The following TMEM260 variants were observed in gnomAD, a reference collection of about 807,000 sequenced individuals.
The protein encoded by TMEM260 is transmembrane protein 260.
In TMEM260, 82 loss-of-function variants were observed where a neutral mutation model predicts 88.9. The ratio of observed to expected loss-of-function variants is 0.92; its 90% confidence interval spans 0.77 to 1.11. TMEM260 has a LOEUF of 1.11. Among genes scored for constraint, TMEM260 ranks in the 50% least tolerant of loss-of-function variants. The pLI, the probability that TMEM260 is intolerant of heterozygous loss-of-function variation, is 0.00. For missense variants in TMEM260, 902 were observed against 853.4 expected (o/e 1.06, Z -0.71); for synonymous variants, 314 against 309.3 (o/e 1.02, Z -0.16).
At chr14:56,636,771 A>G (rs943214036) in intron 15 of TMEM260, among the ~76,000 whole-genome samples, 173 bp downstream of exon 15, 1 of 152,076 alleles carries the variant, frequency 6.6e-6, no homozygotes, top group African/African-American at 2.4e-5. Flanking sequence ...CACAGTATCC[A>G]AAGTAAATGG....
At chr14:56,600,389 A>G (rs1440101519) in intron 3 of TMEM260, among the ~76,000 whole-genome samples, 1 of 152,184 alleles carries the variant, frequency 6.6e-6, no homozygotes, top group East Asian at 1.9e-4. Context: ...TGTTTCAGTC[A>G]GGGTTCTTGG....
intron 4 of TMEM260, among the ~76,000 whole-genome samples, chr14:56,604,595 C>T (rs1001725919): frequency 6.6e-6 from 1 of 151,984 alleles, no homozygotes; most frequent in Non-Finnish European, 1.5e-5. Flanking sequence ...AGTGTAGAAA[C>T]AAAAGAACAT....
At chr14:56,616,570 T>G (rs1264637720) in intron 8 of TMEM260, among the ~76,000 whole-genome samples, 1 of 152,028 alleles carries the variant, frequency 6.6e-6, no homozygotes, top group Non-Finnish European at 1.5e-5. Context: ...AATAGAACAT[T>G]CTATGACCAC....
chr14:56,611,680 A>G (rs1418592442), intron 6 of TMEM260, among the ~76,000 whole-genome samples: 1 of 152,228 alleles, frequency 6.6e-6, no homozygotes, highest in African/African-American at 2.4e-5. Context: ...CAGCAATCCC[A>G]TTATTGGCTG....
At chr14:56,596,767 C>CA (rs34224409) in intron 3 of TMEM260, among the ~76,000 whole-genome samples, 46,516 of 91,680 alleles carry the variant, frequency 0.51, 9,627 homozygotes, top group African/African-American at 0.54. Context: ...GTCTCTGTCT[C>CA]AAAAAAAAAA....
intron 9 of TMEM260, 146 bp downstream of exon 9, chr14:56,617,443 G>C: frequency 1.8e-6 from 1 of 570,296 alleles, no homozygotes; most frequent in Non-Finnish European, 3.1e-6. Context: ...TTGAATTATT[G>C]AGTCAATACA....
the TMEM260 span, among the ~76,000 whole-genome samples, chr14:56,661,382 G>T: frequency 6.6e-6 from 1 of 152,164 alleles, no homozygotes; most frequent in African/African-American, 2.4e-5. Context: ...CGGTGGTGGA[G>T]CAGGAGACTT....
chr14:56,592,261 T>A (rs1334259073), intron 3 of TMEM260, among the ~76,000 whole-genome samples: 1 of 152,218 alleles, frequency 6.6e-6, no homozygotes, highest in Non-Finnish European at 1.5e-5. Context: ...ATATTTTAAA[T>A]TTTTTTAGGT....
At chr14:56,606,098 A>G (rs1336727881) in intron 5 of TMEM260, among the ~76,000 whole-genome samples, 1 of 152,180 alleles carries the variant, frequency 6.6e-6, no homozygotes, top group African/African-American at 2.4e-5. Flanking sequence ...TCTCAACAAA[A>G]CAGACATCGC....
intron 5 of TMEM260, among the ~76,000 whole-genome samples, chr14:56,608,846 A>T (rs1035074016): frequency 2.0e-5 from 3 of 152,214 alleles, no homozygotes; most frequent in South Asian, 2.1e-4. Flanking sequence ...TGCAATAAAC[A>T]TGATACTCAT....
chr14:56,634,873 A>ATATTACTGTTTTCT, intron 13 of TMEM260, 26 bp from the exon 14 acceptor site: 1 of 1,592,394 alleles, frequency 6.3e-7, no homozygotes. Context: ...TGACAGAAAG[A>ATATTACTGTTTTCT]TATTACTGTT....
At chr14:56,638,168 G>C (rs1002918377) in intron 15 of TMEM260, 2 of 151,924 alleles carry the variant, frequency 1.3e-5, no homozygotes, top group African/African-American at 4.8e-5. Context: ...ATCCCTCCGA[G>C]ACACCCCACT....
Position 56,603,983 on chromosome 14 carries a change from G to A in TMEM260, c.513G>A (p.Glu171=). ...VHFEEAATAK[E]RSKVAKIGAF... ...TTGAGGAAGCAGCAACTGCTAAGGAGAGATCAAAGGTAACCTATTTTGATC... is the reference window on the plus strand; with the variant it reads ...TTGAGGAAGCAGCAACTGCTAAGGAAAGATCAAAGGTAACCTATTTTGATC... Residue 171 remains glutamate, a synonymous_variant, in exon 4 of 16, where the codon GAG becomes GAA. Transcript: ENST00000261556. 6.4e-7 allele frequency: 1 copy of A among 1,551,260 alleles called. No homozygotes were observed.
At chr14:56,635,258 G>C (rs1888954600) in intron 14 of TMEM260, among the ~76,000 whole-genome samples, 1 of 152,170 alleles carries the variant, frequency 6.6e-6, no homozygotes, top group Non-Finnish European at 1.5e-5. Context: ...TCTGCCTCTG[G>C]AACACTCATC....
intron 7 of TMEM260, among the ~76,000 whole-genome samples, chr14:56,615,054 C>A (rs576138112): frequency 1.3e-5 from 2 of 152,280 alleles, no homozygotes; most frequent in South Asian, 4.1e-4. Context: ...AGACTGACTT[C>A]ATTCCTTTTG....
Position 56,617,200 on chromosome 14 carries a change from C to A in TMEM260, c.959C>A (p.Ser320Ter). Residue 320 changes from serine to a stop codon, truncating the protein, a stop_gained, in exon 9 of 16, where the codon TCA (serine) becomes TAA (stop). Coordinates refer to ENST00000261556, the MANE Select transcript of TMEM260 (RefSeq NM_017799.4). LOFTEE classifies it high-confidence loss of function. ...TTTTGTAGGGACAGACAGAATCCATCATTAGTATGGCTTTTTACTGGAATG... is the reference window on the plus strand; with the variant it reads ...TTTTGTAGGGACAGACAGAATCCATAATTAGTATGGCTTTTTACTGGAATG... ...CLATKDRQNP[S>*]LVWLFTGMFC... 2.5e-6 allele frequency: 4 copies of A among 1,594,998 alleles called. No individual in the cohort carries two copies. The highest frequency in any genetic ancestry group is 3.4e-6 in the Non-Finnish European group (4 of 1,171,834).
At chr14:56,591,117 TAAA>T (rs1211932901) in intron 3 of TMEM260, among the ~76,000 whole-genome samples, 1 of 152,192 alleles carries the variant, frequency 6.6e-6, no homozygotes, top group African/African-American at 2.4e-5. Context: ...TACAAAAACT[TAAA>T]AAACATTTAA....
At chr14:56,655,786 T>C in the TMEM260 span, among the ~76,000 whole-genome samples, 4 of 152,304 alleles carry the variant, frequency 2.6e-5, no homozygotes, top group Non-Finnish European at 5.9e-5. Flanking sequence ...TCTATTTTCC[T>C]ATTTTATTAT....
intron 3 of TMEM260, among the ~76,000 whole-genome samples, chr14:56,586,823 T>C (rs1885536815): frequency 6.6e-6 from 1 of 152,044 alleles, no homozygotes; most frequent in Non-Finnish European, 1.5e-5. Flanking sequence ...CTTTTAATTA[T>C]TTATAGAAAG....
Sources: allele counts gnomAD v4.1 joint callset (sites outside exome capture counted in the v4.1 genomes callset), GRCh38; gene constraint gnomAD v4.1.1; transcripts MANE v1.5; gene names NCBI Gene and HGNC (gene_info 2026-07-23, HGNC 2026-07-21).